SEC14L1: variants seen among roughly 807,000 people sequenced by gnomAD.
SEC14L1 encodes SEC14-like protein 1.
A neutral mutation model predicts 85.3 loss-of-function variants in SEC14L1; 48 were observed. The ratio of observed to expected loss-of-function variants is 0.56; its 90% CI spans 0.45 to 0.72. The LOEUF (loss-of-function observed/expected upper bound fraction) is 0.72. SEC14L1 is among the 30% of genes least tolerant of loss of function. The probability of loss-of-function intolerance (pLI) is 0.00; values close to 1 mark genes in which losing one functional copy is unlikely to be tolerated. For missense variants in SEC14L1, 682 were observed against 921.4 expected (o/e 0.74, Z 3.36); for synonymous variants, 391 against 355.5 (o/e 1.10, Z -1.12).
At chr17:77,091,875 G>A (rs1027737404) in intron 2 of SEC14L1, among the ~76,000 whole-genome samples, 1 of 151,574 alleles carries the variant, frequency 6.6e-6, no homozygotes, top group East Asian at 1.9e-4. Context: ...GCAGTGGTGC[G>A]ATCTCAGCTC....
At chr17:77,138,568 C>T (rs561377142), upstream of SEC14L1, among the ~76,000 whole-genome samples, 17 of 152,206 alleles carry the variant, frequency 1.1e-4, no homozygotes, top group Admixed American at 2.0e-4. Context: ...TGCAGTGAGC[C>T]AAGATCGTGC....
chr17:77,112,881 A>G (rs976207550), intron 3 of SEC14L1, among the ~76,000 whole-genome samples: 3 of 149,000 alleles, frequency 2.0e-5, no homozygotes, highest in Admixed American at 1.3e-4. Flanking sequence ...AAAAAAAAAG[A>G]GTACTTAGGC....
At chr17:77,102,554 A>G (rs919705458) in intron 3 of SEC14L1, among the ~76,000 whole-genome samples, 3 of 151,700 alleles carry the variant, frequency 2.0e-5, no homozygotes, top group Admixed American at 2.0e-4. Context: ...CCCAGCCTGG[A>G]GTGCAGTGGC....
chr17:77,150,550 G>A (rs1237018756), intron 3 of SEC14L1, among the ~76,000 whole-genome samples: 1 of 152,194 alleles, frequency 6.6e-6, no homozygotes, highest in Admixed American at 6.5e-5. Flanking sequence ...ACAGGGAGAC[G>A]TGAGGGATCC....
intron 3 of SEC14L1, among the ~76,000 whole-genome samples, chr17:77,170,015 A>G (rs67619517): frequency 0.27 from 40,857 of 152,114 alleles, 5,698 homozygotes; most frequent in Middle Eastern, 0.33. Context: ...AGTCCATGCA[A>G]AAGTCAGTTC....
chr17:77,112,809 G>T (rs969952574), intron 3 of SEC14L1, among the ~76,000 whole-genome samples: 7 of 151,922 alleles, frequency 4.6e-5, no homozygotes, highest in African/African-American at 1.7e-4. Flanking sequence ...GGGAGGTGGA[G>T]CTTGCAGTGA....
Position 77,211,969 on chromosome 17 carries a change from A to G in SEC14L1, c.1631A>G (p.Asp544Gly). 6.2e-7 allele frequency: 1 copy of G among 1,614,024 alleles called. No homozygotes were observed. The highest frequency in any genetic ancestry group is 1.3e-5 in the African/African-American group (1 of 75,004). Residue 544 changes from aspartate (D) to glycine (G), a missense_variant, in exon 15 of 17, where the codon GAT (aspartate) becomes GGT (glycine). Around this residue, in one of 3 missense-constraint regions of SEC14L1, gnomAD observed 420 missense variants for 619.5 expected, o/e 0.68. Transcript: ENST00000436233. ...APHEILIQIV[D>G]ASSVITWDFD... ...TTTCAGATTCTCATTCAGATTGTGG[A>G]TGCCTCGTCAGTCATCACTTGGGAT...
At position 77,189,543 on chromosome 17, in the gene SEC14L1, C is replaced by T. The variant is rs111336196; in HGVS notation, c.64-1260C>T. On this transcript the variant is annotated intron_variant, in intron 3 of 16. Transcript: ENST00000436233. ...GAGTTTTAAGAATTTTTTATGTATT[C>T]TAGGCACTAGTCCTTTGTCAGATAC... Among the ~76,000 whole-genome samples, 845 of 152,276 alleles carry T rather than the reference C, an allele frequency of 5.5e-3. 5 individuals carry two copies. Among genetic ancestry groups the T allele is most frequent in the Non-Finnish European group, 9.6e-3 (655 of 68,014 alleles).
chr17:77,118,831 T>A (rs1330014740), intron 3 of SEC14L1, among the ~76,000 whole-genome samples: 1 of 152,174 alleles, frequency 6.6e-6, no homozygotes, highest in East Asian at 1.9e-4. Flanking sequence ...AGGCTTTGAC[T>A]GGCAAAGTGA....
intron 9 of SEC14L1, among the ~76,000 whole-genome samples, chr17:77,201,222 T>G (rs1393124009): frequency 6.6e-6 from 1 of 152,172 alleles, no homozygotes; most frequent in Non-Finnish European, 1.5e-5. Context: ...TTCCATACCC[T>G]GCCTTGCAGG....
chr17:77,170,929 A>G (rs1331400322), intron 3 of SEC14L1, among the ~76,000 whole-genome samples: 1 of 152,128 alleles, frequency 6.6e-6, no homozygotes, highest in African/African-American at 2.4e-5. Context: ...TTTTAACTAC[A>G]TGTTTAGCTG....
At chr17:77,135,855 T>C (rs1235443653) in intron 3 of SEC14L1, among the ~76,000 whole-genome samples, 5 of 151,524 alleles carry the variant, frequency 3.3e-5, no homozygotes, top group African/African-American at 7.3e-5. Flanking sequence ...TCTTTCCTTC[T>C]TTCCTTCCTT....
At chr17:77,191,590 C>T (rs913612906) in intron 5 of SEC14L1, among the ~76,000 whole-genome samples, 2 of 151,930 alleles carry the variant, frequency 1.3e-5, no homozygotes, top group South Asian at 2.1e-4. Flanking sequence ...TCGCCCAGGC[C>T]GGAGTGCAGT....
chr17:77,154,150 A>G (rs1431690150), intron 3 of SEC14L1, among the ~76,000 whole-genome samples: 1 of 152,204 alleles, frequency 6.6e-6, no homozygotes, highest in Non-Finnish European at 1.5e-5. Flanking sequence ...TGTATTTGGT[A>G]TTATAAGTAA....
At chr17:77,099,947 A>T (rs963335974) in intron 3 of SEC14L1, among the ~76,000 whole-genome samples, 3 of 152,214 alleles carry the variant, frequency 2.0e-5, no homozygotes, top group Non-Finnish European at 2.9e-5. Flanking sequence ...CAACAAAAAC[A>T]TGTCTTTTTG....
intron 3 of SEC14L1, among the ~76,000 whole-genome samples, chr17:77,101,843 T>C (rs1309223306): frequency 6.6e-6 from 1 of 152,202 alleles, no homozygotes; most frequent in Non-Finnish European, 1.5e-5. Flanking sequence ...TGTAATTCCT[T>C]TAAACCAGCG....
Position 77,104,312 on chromosome 17 carries a change from C to T in SEC14L1, c.-136+10965C>T, listed in dbSNP as rs574908641. ...CTAATTTTTGTATTTTTAGTAGAGA[C>T]GGGATTTCACCATTTGGCCAGAATG... On this transcript the variant is annotated intron_variant, in intron 3 of 19. Transcript: ENST00000392476. 2.4e-3 allele frequency among the ~76,000 whole-genome samples: 360 copies of T among 148,628 alleles called. 3 individuals are homozygous for T. The highest frequency in any genetic ancestry group is 8.3e-3 in the East Asian group (36 of 4,330).
At chr17:77,200,324 A>G (rs1186597998) in intron 8 of SEC14L1, among the ~76,000 whole-genome samples, 160 bp from the exon 9 acceptor site, 1 of 152,020 alleles carries the variant, frequency 6.6e-6, no homozygotes, top group Non-Finnish European at 1.5e-5. Flanking sequence ...ATGCACCACC[A>G]TGCCTGGCTG....
At chr17:77,190,451 C>G (rs1379958262) in intron 3 of SEC14L1, among the ~76,000 whole-genome samples, 1 of 152,106 alleles carries the variant, frequency 6.6e-6, no homozygotes, top group Admixed American at 6.6e-5. Context: ...GTGACTGATT[C>G]TTCCCAGTTT....
Sources: allele counts gnomAD v4.1 joint callset (sites outside exome capture counted in the v4.1 genomes callset), GRCh38; gene constraint gnomAD v4.1.1; regional missense constraint gnomAD v4.1.1; transcripts MANE v1.5; gene names NCBI Gene and HGNC (gene_info 2026-07-23, HGNC 2026-07-21).